CDCA7L: variants seen among roughly 807,000 people sequenced by gnomAD.
The protein encoded by CDCA7L is cell division cycle-associated 7-like protein.
A neutral mutation model predicts 57.4 loss-of-function variants in CDCA7L; 44 were observed. The observed-to-expected ratio is 0.77, with a 90% CI of 0.60 to 0.98. The LOEUF (loss-of-function observed/expected upper bound fraction) is 0.98. Ranked by LOEUF, CDCA7L falls within the 50% of genes least tolerant of loss-of-function variation. CDCA7L has a pLI of 0.00. For synonymous variants in CDCA7L, 236 were observed against 202.8 expected (o/e 1.16, Z -1.39); for missense variants, 644 against 580.6 (o/e 1.11, Z -1.12).
intron 3 of CDCA7L, 84 bp downstream of exon 3, chr7:21,911,533 G>A: frequency 6.9e-7 from 1 of 1,443,682 alleles, no homozygotes; most frequent in African/African-American, 1.4e-5. Context: ...TTTCACTTGT[G>A]AAGTGACTGC....
chr7:21,920,674 G>A (rs73079563), intron 1 of CDCA7L, among the ~76,000 whole-genome samples: 1 of 152,294 alleles, frequency 6.6e-6, no homozygotes, highest in Non-Finnish European at 1.5e-5. Context: ...CATCATTCTT[G>A]GGGAAAATAT....
Position 21,901,170 on chromosome 7 carries a change from C to G in CDCA7L, c.*1152G>C. The G allele has an allele frequency of 6.2e-7, 1 of 1,613,198 alleles. No homozygotes were observed. The highest frequency in any genetic ancestry group is 1.7e-5 in the Admixed American group (1 of 59,998). On this transcript the variant is annotated 3_prime_UTR_variant, in exon 10 of 10. Transcript: ENST00000406877. ...ATAGAACCAAACTGAGAGGCCCCAG[C>G]TACATCTGGACCTTCAGGCTGAAGA...
chr7:21,914,396 G>A (rs543109838), intron 2 of CDCA7L, among the ~76,000 whole-genome samples: 16 of 152,280 alleles, frequency 1.1e-4, no homozygotes, highest in African/African-American at 3.6e-4. Flanking sequence ...ACAGGTCCAC[G>A]AATAACCCTG....
chr7:21,918,065 T>C (rs1186146897), intron 1 of CDCA7L, among the ~76,000 whole-genome samples: 1 of 152,216 alleles, frequency 6.6e-6, no homozygotes, highest in Admixed American at 6.5e-5. Flanking sequence ...ATCTGAGTGT[T>C]TCCTCATGAT....
intron 1 of CDCA7L, among the ~76,000 whole-genome samples, chr7:21,923,315 C>A (rs983717006): frequency 1.3e-5 from 2 of 151,944 alleles, no homozygotes; most frequent in African/African-American, 4.8e-5. Context: ...ATGGTGAGAC[C>A]CCGTCTCTAC....
At chr7:21,927,482 G>C (rs115485602) in intron 1 of CDCA7L, among the ~76,000 whole-genome samples, 1,823 of 152,122 alleles carry the variant, frequency 0.012, 36 homozygotes, top group African/African-American at 0.042. Context: ...AAAAAAATTA[G>C]AGGAGAAAAA....
intron 7 of CDCA7L, 117 bp from the exon 8 acceptor site, chr7:21,904,376 AAGC>A: frequency 9.5e-7 from 1 of 1,050,958 alleles, no homozygotes; most frequent in South Asian, 1.9e-5. Flanking sequence ...TCCTCGAATC[AAGC>A]AGGACTGTTT....
In CDCA7L at chr7:21,902,197, G is replaced by GTAA. The variant is rs1554294793; in HGVS notation, c.*122_*124dup. On this transcript the variant is annotated 3_prime_UTR_variant, in exon 10 of 10. Coordinates refer to ENST00000406877, the MANE Select transcript of CDCA7L (RefSeq NM_018719.5). Reference sequence around the variant, plus strand: ...TATAAACAATCTTTAACAAAAAATAGTAATTTCTACAAAGAATTTCTGTAT... The same window carrying GTAA: ...TATAAACAATCTTTAACAAAAAATAGTAATAATTTCTACAAAGAATTTCTGTAT... 2 of 942,910 alleles carry GTAA rather than the reference G, an allele frequency of 2.1e-6. No homozygotes were observed. The highest frequency in any genetic ancestry group is 3.3e-5 in the African/African-American group (2 of 60,686). 58.4% of individuals were successfully genotyped at this position (942,910 alleles called of 1,614,324 possible).
intron 3 of CDCA7L, among the ~76,000 whole-genome samples, chr7:21,911,386 C>A (rs1785321867): frequency 6.6e-6 from 1 of 152,052 alleles, no homozygotes; most frequent in South Asian, 2.1e-4. Context: ...TCCCCAAAAA[C>A]CCCCTAAGGC....
intron 1 of CDCA7L, among the ~76,000 whole-genome samples, chr7:21,941,579 T>C (rs1409364065): frequency 3.9e-5 from 6 of 152,188 alleles, no homozygotes; most frequent in Non-Finnish European, 7.3e-5. Flanking sequence ...TTACAGGCAG[T>C]ATAAAGCATA....
At chr7:21,929,082 AG>A (rs963318845) in intron 1 of CDCA7L, among the ~76,000 whole-genome samples, 6 of 152,180 alleles carry the variant, frequency 3.9e-5, no homozygotes, top group Non-Finnish European at 7.3e-5. Context: ...CACAAAGGGA[AG>A]CCCATCAGAC....
intron 2 of CDCA7L, among the ~76,000 whole-genome samples, chr7:21,915,014 C>G (rs547882127): frequency 6.6e-6 from 1 of 152,270 alleles, no homozygotes; most frequent in Non-Finnish European, 1.5e-5. Flanking sequence ...CTCTCCCCAC[C>G]GCCTGACTGT....
chr7:21,903,201 G>A, intron 8 of CDCA7L, 87 bp from the exon 9 acceptor site: 3 of 1,313,708 alleles, frequency 2.3e-6, no homozygotes, highest in Non-Finnish European at 3.1e-6. Context: ...GGCTCAGCTG[G>A]CCTCTCCTCC....
At chr7:21,935,274 A>G (rs1291080905) in intron 1 of CDCA7L, among the ~76,000 whole-genome samples, 1 of 152,254 alleles carries the variant, frequency 6.6e-6, no homozygotes, top group Non-Finnish European at 1.5e-5. Flanking sequence ...ATTAAATAAC[A>G]TATTCCTAAA....
chr7:21,908,942 G>A (rs1027099339), intron 3 of CDCA7L, among the ~76,000 whole-genome samples: 6 of 152,180 alleles, frequency 3.9e-5, no homozygotes, highest in African/African-American at 1.4e-4. Context: ...TAAATAGCAG[G>A]AACCAGACTC....
intron 3 of CDCA7L, among the ~76,000 whole-genome samples, chr7:21,908,735 G>A (rs1009188247): frequency 6.6e-6 from 1 of 152,120 alleles, no homozygotes; most frequent in Non-Finnish European, 1.5e-5. Context: ...CATCATACCC[G>A]CGACAGAAAT....
chr7:21,908,487 A>C lies in CDCA7L; in HGVS notation c.324T>G (p.Ser108Arg). 1 of 1,535,180 alleles carries C rather than the reference A, an allele frequency of 6.5e-7. No individual in the cohort carries two copies. The highest frequency in any genetic ancestry group is 8.7e-7 in the Non-Finnish European group (1 of 1,147,510). ...PEVMVVESDL[S>R]DDGKASLVSE... ...TCACCAAAGATGCTTTGCCATCATC[A>C]CTCAAATCTGACTCCACGACCTAAT... Residue 108 changes from serine (S) to arginine (R), a missense_variant, in exon 4 of 10, where the codon AGT becomes AGG. By Grantham distance (110) the Ser-to-Arg change is moderately radical. Transcript: ENST00000406877.
rs150505387 is a variant in CDCA7L at position 21,943,758 on chromosome 7, A to G, written c.24+2023T>C. Among the ~76,000 whole-genome samples, 380 of 152,298 alleles carry G rather than the reference A, an allele frequency of 2.5e-3. 1 individual carries two copies. The highest frequency in any genetic ancestry group is 8.1e-3 in the African/African-American group (337 of 41,558). On this transcript the variant is annotated intron_variant, in intron 1 of 9. Coordinates refer to ENST00000406877, the MANE Select transcript of CDCA7L (RefSeq NM_018719.5). The stretch of plus-strand genomic sequence containing the variant: ...AAAAAAAAAACCCTGATCATCTTAC[A>G]TATAGTAATTTGCCTTAATTGGTGC...
intron 1 of CDCA7L, among the ~76,000 whole-genome samples, chr7:21,935,105 T>C (rs897033063): frequency 6.6e-6 from 1 of 152,172 alleles, no homozygotes; most frequent in South Asian, 2.1e-4. Context: ...TTTTCTCAAG[T>C]ACTTACAGAA....
Sources: allele counts gnomAD v4.1 joint callset (sites outside exome capture counted in the v4.1 genomes callset), GRCh38; gene constraint gnomAD v4.1.1; transcripts MANE v1.5; gene names NCBI Gene and HGNC (gene_info 2026-07-23, HGNC 2026-07-21).